DCTN4: variants seen among roughly 807,000 people sequenced by gnomAD.
The protein encoded by DCTN4 is dynactin subunit 4, also known as dynactin 4 (p62).
In DCTN4, 23 loss-of-function variants were observed where a neutral mutation model predicts 62.7. The ratio of observed to expected loss-of-function variants is 0.37; its 90% CI spans 0.26 to 0.52. The LOEUF is 0.52. Ranked by LOEUF, DCTN4 falls within the 20% of genes least tolerant of loss-of-function variation. The pLI is 0.92. For missense variants in DCTN4, 514 were observed against 580.4 expected (o/e 0.89, Z 1.18); for synonymous variants, 199 against 202.1 (o/e 0.98, Z 0.13).
intron 9 of DCTN4, among the ~76,000 whole-genome samples, chr5:150,720,618 A>C (rs925716576): frequency 2.6e-5 from 4 of 151,988 alleles, no homozygotes; most frequent in African/African-American, 4.8e-5. Context: ...AGCTGGGAGT[A>C]CAGGTGTGTG....
At chr5:150,733,826 C>T (rs912634384) in intron 4 of DCTN4, 3 of 167,128 alleles carry the variant, frequency 1.8e-5, no homozygotes, top group Non-Finnish European at 2.6e-5. Context: ...TATTTTATTC[C>T]CCAACTCCAT....
chr5:150,755,813 T>C (rs1315264701), intron 2 of DCTN4, among the ~76,000 whole-genome samples: 2 of 152,138 alleles, frequency 1.3e-5, no homozygotes, highest in Non-Finnish European at 2.9e-5. Flanking sequence ...AGTGTATTGG[T>C]TCATTAATTG....
chr5:150,755,000 T>C (rs184757742), intron 2 of DCTN4, among the ~76,000 whole-genome samples: 8 of 151,278 alleles, frequency 5.3e-5, no homozygotes, highest in African/African-American at 1.9e-4. Flanking sequence ...ACACACAAGA[T>C]GAGTCTGGAG....
intron 3 of DCTN4, among the ~76,000 whole-genome samples, chr5:150,744,220 C>A (rs11955751): frequency 6.7e-6 from 1 of 150,018 alleles, no homozygotes; most frequent in African/African-American, 2.5e-5. Context: ...TGAAATGAAG[C>A]GAGAAGGGAA....
intron 4 of DCTN4, among the ~76,000 whole-genome samples, chr5:150,739,749 G>A (rs1027988358): frequency 6.6e-5 from 10 of 152,164 alleles, no homozygotes; most frequent in African/African-American, 2.4e-4. Context: ...CAATGAAACA[G>A]AATAGAGAAC....
intron 3 of DCTN4, among the ~76,000 whole-genome samples, chr5:150,747,956 A>C (rs1232317585): frequency 9.8e-5 from 14 of 143,506 alleles, no homozygotes; most frequent in African/African-American, 3.5e-4. Flanking sequence ...TAATTAAACT[A>C]AAGAGCTTCT....
At position 150,709,352 on chromosome 5, in the gene DCTN4, T is replaced by C. The variant is rs1759480716; in HGVS notation, c.*1797A>G. 1 of 152,366 alleles carries C rather than the reference T, an allele frequency of 6.6e-6. No individual in the cohort carries two copies. Among genetic ancestry groups the C allele is most frequent in the Admixed American group, 6.5e-5 (1 of 15,288 alleles). The allele number at this position is 152,366 out of a possible 1,614,324, so 9.4% of individuals were successfully genotyped here. A position where few individuals can be genotyped will look rare whatever the true frequency, so the allele number is the denominator to read the frequency against. ...AAACGCATGACATGTGTGTAGTCTA[T>C]GCAAACGTGTAAACATATGAAGCTA... On this transcript the variant is annotated 3_prime_UTR_variant, in exon 13 of 13. Transcript: ENST00000447998.
rs182830141 is a variant in DCTN4 at position 150,733,000 on chromosome 5, C to T, written c.537+368G>A. ...CTACTGCCAGGATGTCAAAGGTGGG[C>T]TACAGGGGTAATATGACTGAAATCT... On this transcript the variant is annotated intron_variant, in intron 5 of 12. Coordinates refer to ENST00000447998, the MANE Select transcript of DCTN4 (RefSeq NM_016221.4). 2.3e-3 allele frequency among the ~76,000 whole-genome samples: 347 copies of T among 152,302 alleles called. 1 individual carries two copies. Among genetic ancestry groups the T allele is most frequent in the African/African-American group, 7.1e-3 (294 of 41,550 alleles).
At chr5:150,744,999 T>C (rs532117097) in intron 3 of DCTN4, among the ~76,000 whole-genome samples, 4 of 150,760 alleles carry the variant, frequency 2.7e-5, no homozygotes, top group South Asian at 2.1e-4. Flanking sequence ...GACTGGCAAA[T>C]TGGATAAAGA....
Position 150,710,872 on chromosome 5 carries a change from C to T in DCTN4, c.*277G>A. The T allele has an allele frequency of 2.3e-6, 1 of 441,528 alleles. No homozygotes were observed. Among genetic ancestry groups the T allele is most frequent in the South Asian group, 2.5e-5 (1 of 40,552 alleles). The allele number at this position is 441,528 out of a possible 1,614,324, so 27.4% of individuals were successfully genotyped here. On this transcript the variant is annotated 3_prime_UTR_variant, in exon 13 of 13. Coordinates refer to ENST00000447998, the MANE Select transcript of DCTN4 (RefSeq NM_016221.4). ...AATGCCATTCCAAGGAACACCCATC[C>T]CCTTTCCTAGGATGGAATTATGCTG...
intron 4 of DCTN4, chr5:150,734,354 G>A (rs1441735486): frequency 6.6e-6 from 1 of 152,184 alleles, no homozygotes; most frequent in Non-Finnish European, 1.5e-5. Context: ...CATCCTCACT[G>A]GAGAACCTAA....
chr5:150,740,432 G>A (rs926253296), intron 4 of DCTN4, among the ~76,000 whole-genome samples: 1 of 151,852 alleles, frequency 6.6e-6, no homozygotes, highest in Non-Finnish European at 1.5e-5. Flanking sequence ...GTGAAAAGGG[G>A]ACACTTTTAC....
At chr5:150,753,136 A>T (rs1752737602) in intron 3 of DCTN4, among the ~76,000 whole-genome samples, 1 of 152,228 alleles carries the variant, frequency 6.6e-6, no homozygotes, top group Non-Finnish European at 1.5e-5. Context: ...AAGTGCTGGG[A>T]TTACAGGCGT....
At chr5:150,717,292 C>T (rs1279685001) in intron 11 of DCTN4, among the ~76,000 whole-genome samples, 2 of 152,272 alleles carry the variant, frequency 1.3e-5, no homozygotes, top group East Asian at 3.9e-4. Context: ...CTCAGCCGCC[C>T]AGGCTGGAGT....
intron 3 of DCTN4, among the ~76,000 whole-genome samples, chr5:150,747,357 A>G (rs1315946180): frequency 6.6e-6 from 1 of 152,250 alleles, no homozygotes; most frequent in African/African-American, 2.4e-5. Context: ...GAAAATGGCC[A>G]TACTGCCCAA....
At chr5:150,717,308 G>A (rs796928679) in intron 11 of DCTN4, among the ~76,000 whole-genome samples, 45 of 152,316 alleles carry the variant, frequency 3.0e-4, no homozygotes, top group African/African-American at 1.0e-3. Context: ...GGAGTGCAGT[G>A]GCGCGATCTC....
chr5:150,717,012 A>G (rs77344706), intron 11 of DCTN4, among the ~76,000 whole-genome samples: 4 of 146,906 alleles, frequency 2.7e-5, no homozygotes, highest in Admixed American at 6.8e-5. Flanking sequence ...AAAGCAGAAG[A>G]AAAAAAAAAA....
intron 4 of DCTN4, among the ~76,000 whole-genome samples, chr5:150,738,138 CA>C (rs950386573): frequency 8.7e-5 from 13 of 149,624 alleles, no homozygotes; most frequent in African/African-American, 1.2e-4. Context: ...AAACTGTCCA[CA>C]AAAAAAAAGC....
At chr5:150,725,317 T>C (rs1760104286) in intron 8 of DCTN4, among the ~76,000 whole-genome samples, 1 of 151,854 alleles carries the variant, frequency 6.6e-6, no homozygotes, top group Non-Finnish European at 1.5e-5. Context: ...AGACAAAAGG[T>C]AACTTTACTT....
Sources: allele counts gnomAD v4.1 joint callset (sites outside exome capture counted in the v4.1 genomes callset), GRCh38; gene constraint gnomAD v4.1.1; transcripts MANE v1.5; gene names NCBI Gene and HGNC (gene_info 2026-07-23, HGNC 2026-07-21).